The following TASP1 variants were observed in gnomAD, a reference collection of about 807,000 sequenced individuals.
TASP1 encodes threonine aspartase 1.
In TASP1, 16 loss-of-function variants were observed where a neutral mutation model predicts 56.6. The ratio of observed to expected loss-of-function variants is 0.28; its 90% CI spans 0.19 to 0.43. TASP1 has a LOEUF of 0.43. TASP1 is among the 20% of genes least tolerant of loss of function. The pLI is 1.00. For missense variants in TASP1, 393 were observed against 511.6 expected (o/e 0.77, Z 2.24); for synonymous variants, 179 against 184.2 (o/e 0.97, Z 0.23).
At chr20:13,350,494 T>G in the TASP1 span, among the ~76,000 whole-genome samples, 1 of 152,266 alleles carries the variant, frequency 6.6e-6, no homozygotes, top group South Asian at 2.1e-4. Flanking sequence ...TAAGGCTTAC[T>G]TTAAAGCAAT....
chr20:13,468,658 T>C (rs1224703017), intron 11 of TASP1, among the ~76,000 whole-genome samples: 1 of 152,146 alleles, frequency 6.6e-6, no homozygotes, highest in Non-Finnish European at 1.5e-5. Context: ...CAACCTTCAG[T>C]GTCATATGAT....
At chr20:13,372,518 T>A in the TASP1 span, among the ~76,000 whole-genome samples, 1 of 151,410 alleles carries the variant, frequency 6.6e-6, no homozygotes, top group South Asian at 2.1e-4. Context: ...TATAAAACTA[T>A]ATCATGTTAT....
chr20:13,269,015 C>G, the TASP1 span, among the ~76,000 whole-genome samples: 2 of 152,208 alleles, frequency 1.3e-5, no homozygotes, highest in African/African-American at 2.4e-5. Context: ...CCTCAGTGCT[C>G]TTGACCTTGG....
At chr20:13,158,279 A>G in the TASP1 span, among the ~76,000 whole-genome samples, 1 of 152,212 alleles carries the variant, frequency 6.6e-6, no homozygotes, top group Non-Finnish European at 1.5e-5. Context: ...GGCTCATTAT[A>G]TAAAATTTCC....
chr20:13,204,724 C>A, the TASP1 span, among the ~76,000 whole-genome samples: 2 of 151,992 alleles, frequency 1.3e-5, no homozygotes, highest in African/African-American at 4.8e-5. Flanking sequence ...CCCATTTGAA[C>A]CCACTTTGGA....
the TASP1 span, among the ~76,000 whole-genome samples, chr20:13,257,590 G>T: frequency 6.6e-6 from 1 of 152,070 alleles, no homozygotes; most frequent in East Asian, 1.9e-4. Flanking sequence ...ATAATCCATT[G>T]TTTTTATCAT....
the TASP1 span, among the ~76,000 whole-genome samples, chr20:13,113,406 C>G: frequency 6.6e-6 from 1 of 152,116 alleles, no homozygotes; most frequent in Non-Finnish European, 1.5e-5. Context: ...TACATCAGCA[C>G]AGAGCCCACA....
At chr20:13,573,791 C>T (rs1045727664) in intron 6 of TASP1, among the ~76,000 whole-genome samples, 1 of 152,126 alleles carries the variant, frequency 6.6e-6, no homozygotes, top group African/African-American at 2.4e-5. Flanking sequence ...AGACATTAGG[C>T]ATAGGACAGT....
the TASP1 span, among the ~76,000 whole-genome samples, chr20:13,202,690 G>A: frequency 1.3e-5 from 2 of 152,332 alleles, no homozygotes; most frequent in Non-Finnish European, 2.9e-5. Flanking sequence ...TGGCTCTGCC[G>A]TGTAGTCAAA....
At chr20:13,589,010 A>T (rs1280518852) in intron 4 of TASP1, among the ~76,000 whole-genome samples, 1 of 152,108 alleles carries the variant, frequency 6.6e-6, no homozygotes, top group African/African-American at 2.4e-5. Flanking sequence ...AATCAATTCA[A>T]CAAGGTTGCC....
At chr20:13,122,621 G>A in the TASP1 span, among the ~76,000 whole-genome samples, 1 of 152,222 alleles carries the variant, frequency 6.6e-6, no homozygotes, top group Non-Finnish European at 1.5e-5. Flanking sequence ...AATTAAAACA[G>A]TACCTACCTT....
chr20:13,126,563 C>T, the TASP1 span: 13 of 1,611,758 alleles, frequency 8.1e-6, no homozygotes, highest in Non-Finnish European at 1.1e-5. Context: ...TATTTGCCTT[C>T]TTTTTGGGTT....
At chr20:13,382,211 G>C in the TASP1 span, among the ~76,000 whole-genome samples, 5 of 152,160 alleles carry the variant, frequency 3.3e-5, no homozygotes, top group Non-Finnish European at 7.3e-5. Flanking sequence ...TTTTTAGCCA[G>C]TTTCAGTAAA....
chr20:13,229,551 AT>A, the TASP1 span, among the ~76,000 whole-genome samples: 1 of 152,164 alleles, frequency 6.6e-6, no homozygotes, highest in African/African-American at 2.4e-5. Context: ...CTCTATCACA[AT>A]TTGTATATCC....
chr20:13,475,833 C>A (rs964997587), intron 11 of TASP1, among the ~76,000 whole-genome samples: 11 of 151,820 alleles, frequency 7.2e-5, no homozygotes, highest in Non-Finnish European at 1.6e-4. Flanking sequence ...GAGGCGGAGA[C>A]TGCAGTGTGC....
intron 2 of TASP1, among the ~76,000 whole-genome samples, chr20:13,625,860 G>T (rs1011070288): frequency 1.8e-4 from 28 of 152,166 alleles, no homozygotes; most frequent in African/African-American, 6.5e-4. Context: ...GACTCTCTAT[G>T]AGAATTCCTG....
intron 8 of TASP1, among the ~76,000 whole-genome samples, chr20:13,539,354 C>T (rs1348379607): frequency 6.6e-6 from 1 of 151,968 alleles, no homozygotes; most frequent in Non-Finnish European, 1.5e-5. Flanking sequence ...AAAATCTAAA[C>T]AGAGTGGTCA....
At chr20:13,552,755 T>G (rs2046021372) in intron 8 of TASP1, among the ~76,000 whole-genome samples, 1 of 152,216 alleles carries the variant, frequency 6.6e-6, no homozygotes, top group Non-Finnish European at 1.5e-5. Context: ...AGTTACATGC[T>G]GAGGAGGCAA....
At chr20:13,416,203 C>T (rs140585135) in intron 13 of TASP1, among the ~76,000 whole-genome samples, 91 of 152,324 alleles carry the variant, frequency 6.0e-4, no homozygotes, top group African/African-American at 2.2e-3. Context: ...AAAATGTTTA[C>T]ATCACACAAA....
Sources: gnomAD v4.1 joint callset for allele counts (sites outside exome capture counted in the v4.1 genomes callset) on GRCh38, gnomAD v4.1.1 for gene constraint, MANE v1.5 for transcripts, NCBI Gene and HGNC (gene_info 2026-07-23, HGNC 2026-07-21) for gene names.